ACYP2: variants seen among roughly 807,000 people sequenced by gnomAD.
The protein encoded by ACYP2 is acylphosphatase-2.
ACYP2 carries 12 observed loss-of-function variants against 11.2 expected under a neutral mutation model. That is an observed-to-expected ratio of 1.08 (90% CI 0.69 to 1.74). The LOEUF is 1.74. Ranked by LOEUF, ACYP2 falls within the 40% of genes most tolerant of loss-of-function variation. The pLI is 0.00. For synonymous variants in ACYP2, 43 were observed against 32.2 expected (o/e 1.33, Z -1.13); for missense variants, 134 against 101.9 (o/e 1.31, Z -1.35).
chr2:54,217,796 CT>C (rs1685620631), intron 6 of ACYP2, among the ~76,000 whole-genome samples: 1 of 152,066 alleles, frequency 6.6e-6, no homozygotes, highest in Non-Finnish European at 1.5e-5. Flanking sequence ...AAACACATGC[CT>C]TTAGCAGGAT....
At chr2:54,083,823 G>A (rs1281109471) in intron 4 of ACYP2, among the ~76,000 whole-genome samples, 1 of 152,050 alleles carries the variant, frequency 6.6e-6, no homozygotes, top group Non-Finnish European at 1.5e-5. Flanking sequence ...CCATAAAATT[G>A]ACCTTGAAAA....
At chr2:54,124,480 G>A (rs1240196375) in intron 4 of ACYP2, among the ~76,000 whole-genome samples, 1 of 152,152 alleles carries the variant, frequency 6.6e-6, no homozygotes, top group Non-Finnish European at 1.5e-5. Context: ...ACAGGTGTGA[G>A]CCACCACGCC....
chr2:54,301,054 T>C (rs975286657), intron 6 of ACYP2, among the ~76,000 whole-genome samples: 6 of 152,226 alleles, frequency 3.9e-5, no homozygotes, highest in Admixed American at 3.3e-4. Flanking sequence ...CGGCCATACA[T>C]ATTGGTAATA....
At chr2:54,286,995 A>C (rs1180933203) in intron 6 of ACYP2, among the ~76,000 whole-genome samples, 1 of 152,076 alleles carries the variant, frequency 6.6e-6, no homozygotes, top group African/African-American at 2.4e-5. Flanking sequence ...ACATAAAATT[A>C]CCCTGGTGAT....
chr2:53,985,920 G>T (rs537768502), intron 2 of ACYP2, among the ~76,000 whole-genome samples: 1 of 152,114 alleles, frequency 6.6e-6, no homozygotes, highest in Admixed American at 6.6e-5. Flanking sequence ...AGGAGTACTT[G>T]AGGTCAGGAA....
At chr2:54,004,404 C>CTTTTTT (rs1168703943) in intron 2 of ACYP2, among the ~76,000 whole-genome samples, 33 of 92,076 alleles carry the variant, frequency 3.6e-4, no homozygotes, top group East Asian at 9.7e-4. Context: ...GTAGTTTAGC[C>CTTTTTT]TTTTTTTTTT....
intron 4 of ACYP2, among the ~76,000 whole-genome samples, chr2:54,114,192 G>A (rs538090967): frequency 1.3e-5 from 2 of 152,154 alleles, no homozygotes; most frequent in Non-Finnish European, 2.9e-5. Context: ...AACAAATAGA[G>A]AAATGCAAAT....
chr2:54,210,015 C>T lies in ACYP2; in HGVS notation c.404+71267C>T, dbSNP rs186823702. On this transcript the variant is annotated intron_variant, in intron 6 of 6. Coordinates refer to ENST00000607452, the MANE Select transcript of ACYP2 (RefSeq NM_001320586.2). Reference sequence around the variant, plus strand: ...AATTAGCTGGGCATGGTGGCGGGCACTTGTAATCCCAGATATTCCGGAGGC... The same window carrying T: ...AATTAGCTGGGCATGGTGGCGGGCATTTGTAATCCCAGATATTCCGGAGGC... Among the ~76,000 whole-genome samples the T allele has an allele frequency of 2.4e-3, 362 of 152,020 alleles. 1 individual carries two copies. The highest frequency in any genetic ancestry group is 8.5e-3 in the African/African-American group (354 of 41,456).
chr2:54,255,613 A>C, intron 6 of ACYP2: 2 of 1,612,636 alleles, frequency 1.2e-6, no homozygotes, highest in Non-Finnish European at 1.7e-6. Flanking sequence ...TACCTCATCT[A>C]TTGCTCTGTT....
intron 6 of ACYP2, among the ~76,000 whole-genome samples, chr2:54,271,018 T>G (rs760500485): frequency 2.0e-5 from 3 of 152,258 alleles, no homozygotes; most frequent in East Asian, 1.9e-4. Flanking sequence ...GAAACCACGT[T>G]TGCAGAGATG....
rs183941794 is a variant in ACYP2 at position 54,241,213 on chromosome 2, T to A, written c.405-63475T>A. 1.5e-3 allele frequency among the ~76,000 whole-genome samples: 224 copies of A among 152,336 alleles called. 1 individual carries two copies. The highest frequency in any genetic ancestry group is 5.2e-3 in the African/African-American group (218 of 41,590). On this transcript the variant is annotated intron_variant, in intron 6 of 6. Coordinates refer to ENST00000607452, the MANE Select transcript of ACYP2 (RefSeq NM_001320586.2). ...GTCAATTCAGTTGTTACAAGTTGAATTAATCTCTAATTTAGGGATATCATG... is the reference window on the plus strand; with the variant it reads ...GTCAATTCAGTTGTTACAAGTTGAAATAATCTCTAATTTAGGGATATCATG...
intron 6 of ACYP2, among the ~76,000 whole-genome samples, chr2:54,292,434 A>G (rs1689349916): frequency 6.6e-6 from 1 of 152,216 alleles, no homozygotes; most frequent in African/African-American, 2.4e-5. Context: ...TGATTTTATT[A>G]TATTGATAAC....
rs1042334182 is a variant in ACYP2, at chr2:54,058,467, C to G, written c.277+1107C>G. Among the ~76,000 whole-genome samples the G allele has an allele frequency of 3.9e-4, 59 of 152,112 alleles. 1 individual carries two copies. Among genetic ancestry groups the G allele is most frequent in the Non-Finnish European group, 3.8e-4 (26 of 68,026 alleles). On this transcript the variant is annotated intron_variant, in intron 4 of 6. Transcript: ENST00000607452. Reference sequence around the variant, plus strand: ...ATTATCTATTAACCCCTGACACACACATATTTCCCTCTCCTGTCATTCTAA... The same window carrying G: ...ATTATCTATTAACCCCTGACACACAGATATTTCCCTCTCCTGTCATTCTAA...
At chr2:54,285,057 G>A (rs1367329558) in intron 6 of ACYP2, among the ~76,000 whole-genome samples, 2 of 152,258 alleles carry the variant, frequency 1.3e-5, no homozygotes, top group East Asian at 1.9e-4. Context: ...CAGATTCAGC[G>A]TCTGGTGACA....
intron 4 of ACYP2, among the ~76,000 whole-genome samples, chr2:54,113,630 G>T (rs1221729370): frequency 6.6e-6 from 1 of 152,126 alleles, no homozygotes; most frequent in Non-Finnish European, 1.5e-5. Context: ...GACTGTACTA[G>T]TGGGGAAGGC....
Position 54,016,398 on chromosome 2 carries a change from A to G in ACYP2, c.63-34560A>G, listed in dbSNP as rs371338736. On this transcript the variant is annotated intron_variant, in intron 2 of 6. Coordinates refer to ENST00000607452, the MANE Select transcript of ACYP2 (RefSeq NM_001320586.2). ...TTCAGAAGAGGCTTGCTAATTTATA[A>G]GGCTCAAATTTCTCTGACCAAGCAG... Among the ~76,000 whole-genome samples, 18 of 151,910 alleles carry G rather than the reference A, an allele frequency of 1.2e-4. No homozygotes were observed. In the South Asian group the frequency reaches 2.1e-3, roughly 18 times the overall value.
At chr2:54,138,425 G>C (rs1188065391) in intron 5 of ACYP2, among the ~76,000 whole-genome samples, 1 of 152,066 alleles carries the variant, frequency 6.6e-6, no homozygotes, top group East Asian at 1.9e-4. Flanking sequence ...TATGATAGTG[G>C]AATTGTTTTT....
chr2:54,266,364 C>G (rs139036561), intron 6 of ACYP2, among the ~76,000 whole-genome samples: 348 of 152,176 alleles, frequency 2.3e-3, no homozygotes, highest in African/African-American at 8.1e-3. Context: ...GGAAAACTCT[C>G]AAAAGCATTC....
chr2:54,226,367 A>G (rs977398379), intron 6 of ACYP2, among the ~76,000 whole-genome samples: 3 of 152,242 alleles, frequency 2.0e-5, no homozygotes, highest in African/African-American at 2.4e-5. Flanking sequence ...CTGACAGACA[A>G]TCCATTGTTA....
Sources: allele counts gnomAD v4.1 joint callset (sites outside exome capture counted in the v4.1 genomes callset), GRCh38; gene constraint gnomAD v4.1.1; transcripts MANE v1.5; gene names NCBI Gene and HGNC (gene_info 2026-07-23, HGNC 2026-07-21).